SRSF11: variants seen among roughly 807,000 people sequenced by gnomAD.
The protein encoded by SRSF11 is serine and arginine rich splicing factor 11, also known as serine/arginine-rich splicing factor 11.
In SRSF11, 9 loss-of-function variants were observed where a neutral mutation model predicts 56.0. That is an observed-to-expected ratio of 0.16 (90% CI 0.10 to 0.28). The LOEUF (loss-of-function observed/expected upper bound fraction) is 0.28, where lower values mean the gene tolerates loss of function less well. Ranked by LOEUF, SRSF11 falls within the 10% of genes least tolerant of loss-of-function variation. SRSF11 has a pLI of 1.00. For missense variants in SRSF11, 421 were observed against 600.7 expected (o/e 0.70, Z 3.13); for synonymous variants, 222 against 215.3 (o/e 1.03, Z -0.27).
At chr1:70,229,118 G>T in intron 2 of SRSF11, 1 of 1,222,664 alleles carries the variant, frequency 8.2e-7, no homozygotes. Context: ...TTTATTTTAT[G>T]CCAGATTTTC....
At chr1:70,246,928 C>G in intron 9 of SRSF11, 21 bp downstream of exon 9, 1 of 1,575,106 alleles carries the variant, frequency 6.3e-7, no homozygotes, top group Non-Finnish European at 8.6e-7. Context: ...ATTGTGAATT[C>G]TTGGCAATTA....
upstream of SRSF11, among the ~76,000 whole-genome samples, chr1:70,217,473 G>GA (rs1331087472): frequency 6.6e-6 from 1 of 151,976 alleles, no homozygotes; most frequent in Non-Finnish European, 1.5e-5. Context: ...TTTTTTTATT[G>GA]AAAGTCTGCC....
rs1326682820 is a variant in SRSF11, at chr1:70,251,465, T to A, written c.*660T>A. 6.6e-6 allele frequency: 1 copy of A among 152,616 alleles called. No homozygotes were observed. Among genetic ancestry groups the A allele is most frequent in the Non-Finnish European group, 1.5e-5 (1 of 68,012 alleles). 9.5% of individuals were successfully genotyped at this position (152,616 alleles called of 1,614,324 possible). On this transcript the variant is annotated 3_prime_UTR_variant, in exon 12 of 12. Coordinates refer to ENST00000370949, the MANE Select transcript of SRSF11 (RefSeq NM_001350605.2). ...AGAAACAAGATTTCAAATAAAACTGTCTTTGGCAGTGAGTAAATAGCATAT... is the reference window on the plus strand; with the variant it reads ...AGAAACAAGATTTCAAATAAAACTGACTTTGGCAGTGAGTAAATAGCATAT...
intron 2 of SRSF11, 150 bp downstream of exon 2, chr1:70,228,705 A>AT (rs1323978075): frequency 9.9e-6 from 13 of 1,318,556 alleles, no homozygotes; most frequent in Middle Eastern, 2.3e-4. Context: ...TTGCTTGCAG[A>AT]TTTTTTTTAA....
chr1:70,250,699 C>G lies in SRSF11; in HGVS notation c.1349C>G (p.Pro450Arg). 1.2e-6 allele frequency: 2 copies of G among 1,613,882 alleles called. No individual in the cohort carries two copies. Among genetic ancestry groups the G allele is most frequent in the Non-Finnish European group, 1.7e-6 (2 of 1,179,932 alleles). ...EEKKPIETGS[P>R]KTKECSVEKG... ...AAGAAACCAATAGAAACAGGTTCCC[C>G]TAAAACAAAGGAATGTTCTGTGGAA... The change falls in exon 12 of 12, where the codon CCT becomes CGT. Residue 450 changes from proline (P) to arginine (R), a missense_variant. Pro to Arg is a moderately radical substitution (Grantham distance 103). Around this residue, in one of 2 missense-constraint regions of SRSF11, gnomAD observed 253 missense variants for 305.8 expected, o/e 0.83. Coordinates refer to ENST00000370949, the MANE Select transcript of SRSF11 (RefSeq NM_001350605.2).
At chr1:70,225,185 G>T (rs1015293014) in intron 1 of SRSF11, among the ~76,000 whole-genome samples, 18 of 152,310 alleles carry the variant, frequency 1.2e-4, no homozygotes, top group Middle Eastern at 3.4e-3. Context: ...GTATGTCACA[G>T]TTATGCAGTA....
At chr1:70,228,075 C>T (rs1191416184) in intron 1 of SRSF11, among the ~76,000 whole-genome samples, 1 of 152,050 alleles carries the variant, frequency 6.6e-6, no homozygotes, top group Non-Finnish European at 1.5e-5. Context: ...TTTCTAAGCC[C>T]CAAACTACTG....
intron 1 of SRSF11, among the ~76,000 whole-genome samples, chr1:70,226,612 C>T (rs910367796): frequency 6.6e-6 from 1 of 152,098 alleles, no homozygotes; most frequent in African/African-American, 2.4e-5. Context: ...GTGTTAAGTG[C>T]TTGCTATTTC....
At chr1:70,241,330 T>G (rs181676104) in intron 7 of SRSF11, among the ~76,000 whole-genome samples, 2 of 152,316 alleles carry the variant, frequency 1.3e-5, no homozygotes, top group Admixed American at 6.5e-5. Flanking sequence ...AGATGATCTT[T>G]TCACTCTGTT....
At chr1:70,215,164 C>T (rs1459754361) in intron 1 of SRSF11, among the ~76,000 whole-genome samples, 2 of 151,940 alleles carry the variant, frequency 1.3e-5, no homozygotes, top group Non-Finnish European at 2.9e-5. Context: ...TCCCAAAGTG[C>T]TGGGATTATA....
At chr1:70,248,746 G>A (rs1423230183) in intron 9 of SRSF11, 1 of 151,882 alleles carries the variant, frequency 6.6e-6, no homozygotes, top group Non-Finnish European at 1.5e-5. Flanking sequence ...TCTAAATTAA[G>A]GCATCTTCTG....
In SRSF11 at chr1:70,221,693, C is replaced by T. The variant is rs909461047; in HGVS notation, c.57C>T (p.Pro19=). 4 of 1,612,354 alleles carry T rather than the reference C, an allele frequency of 2.5e-6. No homozygotes were observed. Among genetic ancestry groups the T allele is most frequent in the Non-Finnish European group, 3.4e-6 (4 of 1,178,928 alleles). ...STAGPGPSGG[P]GGGGGGGGGG... is the part of the protein sequence containing the mutation. Reference sequence around the variant, plus strand: ...CAGGTCCGGGCCCCAGCGGCGGGCCCGGTGGCGGAGGTGGTGGTGGCGGCG... The same window carrying T: ...CAGGTCCGGGCCCCAGCGGCGGGCCTGGTGGCGGAGGTGGTGGTGGCGGCG... Residue 19 remains proline (P), a synonymous_variant, in exon 1 of 12, where the codon CCC becomes CCT. Transcript: ENST00000370949.
chr1:70,233,235 T>A (rs888816739), intron 3 of SRSF11, among the ~76,000 whole-genome samples: 11 of 152,092 alleles, frequency 7.2e-5, no homozygotes, highest in Non-Finnish European at 1.2e-4. Context: ...GTTTGTTTTT[T>A]GTTTTGTTTG....
intron 1 of SRSF11, among the ~76,000 whole-genome samples, chr1:70,208,817 ATT>A (rs1669291983): frequency 1.3e-5 from 2 of 152,246 alleles, no homozygotes; most frequent in Non-Finnish European, 2.9e-5. Context: ...AATTAGCTCC[ATT>A]TCCATTGTTT....
At chr1:70,216,602 T>C (rs1670031713), upstream of SRSF11, among the ~76,000 whole-genome samples, 1 of 151,962 alleles carries the variant, frequency 6.6e-6, no homozygotes, top group Non-Finnish European at 1.5e-5. Context: ...CAGCTAACTT[T>C]TTTGTATTTT....
upstream of SRSF11, among the ~76,000 whole-genome samples, chr1:70,219,185 C>G (rs981386719): frequency 6.6e-6 from 1 of 152,086 alleles, no homozygotes; most frequent in African/African-American, 2.4e-5. Flanking sequence ...ATCCAAAACA[C>G]TTATGGTCCC....
intron 6 of SRSF11, 79 bp downstream of exon 6, chr1:70,237,631 G>A (rs2100836368): frequency 6.4e-7 from 1 of 1,566,848 alleles, no homozygotes; most frequent in Non-Finnish European, 8.7e-7. Context: ...TGTGTTGAGT[G>A]ACACCCTAGT....
rs554617176 is a variant in SRSF11 at position 70,236,332 on chromosome 1, C to CTT, written c.590+798_590+799dup. 1.7e-3 allele frequency among the ~76,000 whole-genome samples: 224 copies of CTT among 133,842 alleles called. 1 individual carries two copies. Among genetic ancestry groups the CTT allele is most frequent in the African/African-American group, 4.4e-3 (158 of 36,122 alleles). The allele number at this position is 133,842 out of a possible 152,430, so 87.8% of individuals were successfully genotyped here. A position where few individuals can be genotyped will look rare whatever the true frequency, so the allele number is the denominator to read the frequency against. On this transcript the variant is annotated intron_variant, in intron 5 of 11. Coordinates refer to ENST00000370949, the MANE Select transcript of SRSF11 (RefSeq NM_001350605.2). ...TTTTTTTTCTTTCTTCTTTCTTTTTCTTTTTTTTTTTTTTTTTGAGACGAG... is the reference window on the plus strand; with the variant it reads ...TTTTTTTTCTTTCTTCTTTCTTTTTCTTTTTTTTTTTTTTTTTTTGAGACGAG...
intron 9 of SRSF11, among the ~76,000 whole-genome samples, chr1:70,247,363 A>G (rs1319138111): frequency 1.3e-5 from 2 of 152,100 alleles, no homozygotes; most frequent in Admixed American, 6.5e-5. Flanking sequence ...GCTGTCAGTG[A>G]AAATTGAAAT....
Sources: allele counts gnomAD v4.1 joint callset (sites outside exome capture counted in the v4.1 genomes callset), GRCh38; gene constraint gnomAD v4.1.1; regional missense constraint gnomAD v4.1.1; transcripts MANE v1.5; gene names NCBI Gene and HGNC (gene_info 2026-07-23, HGNC 2026-07-21).